IQSEC2: variants seen among roughly 807,000 people sequenced by gnomAD.
IQSEC2 encodes IQ motif and SEC7 domain-containing protein 2.
IQSEC2 carries 6 observed loss-of-function variants against 74.6 expected under a neutral mutation model. The ratio of observed to expected loss-of-function variants is 0.08; its 90% CI spans 0.04 to 0.16. The LOEUF is 0.16. IQSEC2 is among the 10% of genes least tolerant of loss of function. The pLI is 1.00. For synonymous variants in IQSEC2, 494 were observed against 544.5 expected (o/e 0.91, Z 1.29); for missense variants, 734 against 1,306.2 (o/e 0.56, Z 6.75).
chrX:53,279,434 C>G (rs2074902785), intron 2 of IQSEC2: 1 of 454,810 alleles, frequency 2.2e-6, no homozygotes, highest in Admixed American at 3.5e-5. Flanking sequence ...TCCAGGCACT[C>G]TCCTCATACA....
chrX:53,234,315 G>T lies in IQSEC2; in HGVS notation c.4371C>A (p.Pro1457=), dbSNP rs2074090496. 1 of 628,779 alleles carries T rather than the reference G, an allele frequency of 1.6e-6. No individual in the cohort carries two copies. Among genetic ancestry groups the T allele is most frequent in the East Asian group, 4.2e-5 (1 of 23,558 alleles). 51.8% of individuals were successfully genotyped at this position (628,779 alleles called of 1,213,427 possible). A position where few individuals can be genotyped will look rare whatever the true frequency, so the allele number is the denominator to read the frequency against. Reference sequence around the variant, plus strand: ...GCCCAGAGGCGTGCAGCGGGCCATGGGGGGAGGTGGGTGGAAGGGGTGAGT... The same window carrying T: ...GCCCAGAGGCGTGCAGCGGGCCATGTGGGGAGGTGGGTGGAAGGGGTGAGT... ...TPHSPLPPTS[P]HGPLHASGPP... The change falls in exon 15 of 15, where the codon CCC becomes CCA. Residue 1457 remains proline, a synonymous_variant. Transcript: ENST00000642864.
chrX:53,239,735 A>T, intron 10 of IQSEC2: 1 of 176,595 alleles, frequency 5.7e-6, no homozygotes. Context: ...GCCTTACCAG[A>T]GCCTGCACTT....
intron 2 of IQSEC2, among the ~76,000 whole-genome samples, chrX:53,272,742 T>C (rs1364727851): frequency 1.8e-5 from 2 of 111,620 alleles, no homozygotes; most frequent in Non-Finnish European, 3.8e-5. Context: ...AGGCACCTGG[T>C]TCTCTCTTCT....
chrX:53,318,649 C>G (rs1270874232), intron 1 of IQSEC2, among the ~76,000 whole-genome samples: 2 of 113,079 alleles, frequency 1.8e-5, no homozygotes, highest in Non-Finnish European at 3.7e-5. Flanking sequence ...CCTCTCGAGG[C>G]AGTCCACTGC....
At chrX:53,267,123 G>A in intron 2 of IQSEC2, 1 of 1,121,648 alleles carries the variant, frequency 8.9e-7, no homozygotes, top group South Asian at 2.1e-5. Context: ...GAGAGGCAGA[G>A]GCATTAGTTT....
chrX:53,247,459 T>A (rs1372313070), intron 7 of IQSEC2, among the ~76,000 whole-genome samples: 1 of 112,106 alleles, frequency 8.9e-6, no homozygotes, highest in African/African-American at 3.2e-5. Flanking sequence ...ATAGAGCTGG[T>A]AAATGGTGAA....
rs187081140 is a variant in IQSEC2 at position 53,305,111 on chromosome X, G to A, written c.708-13187C>T. Among the ~76,000 whole-genome samples the A allele has an allele frequency of 2.1e-3, 226 of 110,207 alleles. 1 individual carries two copies. Among genetic ancestry groups the A allele is most frequent in the African/African-American group, 6.9e-3 (208 of 30,194 alleles). The stretch of plus-strand genomic sequence containing the variant: ...TTTTTGTATTTTTAGTAGAGATGGA[G>A]TATCACCATATTGGCCAGGCTGGTC... On this transcript the variant is annotated intron_variant, in intron 1 of 14. Transcript: ENST00000642864.
chrX:53,255,716 A>T (rs782290942), intron 3 of IQSEC2, 84 bp downstream of exon 3: 29 of 1,095,012 alleles, frequency 2.6e-5, no homozygotes, highest in Non-Finnish European at 3.5e-5. Context: ...CCCTGATACC[A>T]CCCCCAAGAG....
At chrX:53,295,706 G>GACAGAGCAGA (rs1248888867) in intron 1 of IQSEC2, among the ~76,000 whole-genome samples, 2 of 109,093 alleles carry the variant, frequency 1.8e-5, no homozygotes, top group Non-Finnish European at 3.8e-5. Flanking sequence ...TTATGGGGAA[G>GACAGAGCAGA]ACAGAGCAGA....
At chrX:53,279,310 A>C (rs1314781071) in intron 2 of IQSEC2, 1 of 307,291 alleles carries the variant, frequency 3.3e-6, no homozygotes, top group African/African-American at 2.7e-5. Flanking sequence ...ATTATCACAT[A>C]GTCTAGGACC....
chrX:53,271,441 G>C (rs1249928094), intron 2 of IQSEC2, among the ~76,000 whole-genome samples: 1 of 111,209 alleles, frequency 9.0e-6, no homozygotes, highest in Non-Finnish European at 1.9e-5. Context: ...TATCACCCTG[G>C]CATGGACTCA....
At chrX:53,273,136 C>G (rs781998659) in intron 2 of IQSEC2, among the ~76,000 whole-genome samples, 1 of 109,172 alleles carries the variant, frequency 9.2e-6, no homozygotes, top group African/African-American at 3.3e-5. Flanking sequence ...TCCCCTATGA[C>G]GTCATCCTGC....
intron 8 of IQSEC2, among the ~76,000 whole-genome samples, chrX:53,244,884 A>G (rs1556861734): frequency 1.8e-5 from 2 of 111,561 alleles, no homozygotes; most frequent in Non-Finnish European, 3.8e-5. Flanking sequence ...GAAATAAAGT[A>G]TGTATTACCT....
intron 2 of IQSEC2, among the ~76,000 whole-genome samples, chrX:53,264,330 A>G (rs1448642646): frequency 9.1e-6 from 1 of 109,930 alleles, no homozygotes; most frequent in African/African-American, 3.3e-5. Flanking sequence ...ACGGCTGATC[A>G]AAACCCCACC....
At chrX:53,270,131 T>C (rs782530865) in intron 2 of IQSEC2, among the ~76,000 whole-genome samples, 1 of 110,864 alleles carries the variant, frequency 9.0e-6, no homozygotes, top group South Asian at 3.9e-4. Context: ...TCAGCTCTCA[T>C]AGGGACCTCT....
intron 1 of IQSEC2, among the ~76,000 whole-genome samples, chrX:53,310,464 A>G (rs782352374): frequency 1.5e-4 from 17 of 111,901 alleles, no homozygotes; most frequent in Non-Finnish European, 2.4e-4. Context: ...TTTTACAGAA[A>G]AACTAAAATT....
chrX:53,287,351 G>C (rs1556872024), intron 2 of IQSEC2, among the ~76,000 whole-genome samples: 1 of 112,419 alleles, frequency 8.9e-6, no homozygotes, highest in African/African-American at 3.2e-5. Flanking sequence ...GTTTGTGTTT[G>C]TTCACCCAGA....
In IQSEC2 at chrX:53,233,749, T is replaced by C; in HGVS notation, c.*470A>G. 3.4e-6 allele frequency: 1 copy of C among 295,057 alleles called. No homozygotes were observed. The highest frequency in any genetic ancestry group is 2.7e-5 in the African/African-American group (1 of 36,918). 24.3% of individuals were successfully genotyped at this position (295,057 alleles called of 1,213,427 possible). A position where few individuals can be genotyped will look rare whatever the true frequency, so the allele number is the denominator to read the frequency against. On this transcript the variant is annotated 3_prime_UTR_variant, in exon 15 of 15. Transcript: ENST00000642864. ...AGAGAGGGCCAAGCCAGCTGAAGTT[T>C]GGCCACAACTCTACAGAGCGCTCTC...
At chrX:53,266,566 C>T in intron 2 of IQSEC2, 1 of 765,175 alleles carries the variant, frequency 1.3e-6, no homozygotes, top group Non-Finnish European at 1.5e-6. Flanking sequence ...CACCCTGCAT[C>T]TCTGTTTGTG....
Sources: gnomAD v4.1 joint callset for allele counts (sites outside exome capture counted in the v4.1 genomes callset) on GRCh38, gnomAD v4.1.1 for gene constraint, MANE v1.5 for transcripts, NCBI Gene and HGNC (gene_info 2026-07-23, HGNC 2026-07-21) for gene names.